ANKS6: variants seen among roughly 807,000 people sequenced by gnomAD.
The protein encoded by ANKS6 is ankyrin repeat and SAM domain-containing protein 6.
A neutral mutation model predicts 77.9 loss-of-function variants in ANKS6; 47 were observed. The ratio of observed to expected loss-of-function variants is 0.60; its 90% CI spans 0.48 to 0.77. The LOEUF (loss-of-function observed/expected upper bound fraction) is 0.77. Among genes scored for constraint, ANKS6 ranks in the 30% least tolerant of loss-of-function variants. The pLI is 0.00. For synonymous variants in ANKS6, 488 were observed against 501.7 expected, an observed-to-expected ratio of 0.97 and a Z score of 0.37; for missense variants, 1,150 against 1,159.1, an observed-to-expected ratio of 0.99 and a Z score of 0.11.
chr9:98,732,835 A>C lies in ANKS6; in HGVS notation c.*3684T>G. On this transcript the variant is annotated 3_prime_UTR_variant, in exon 15 of 15. Transcript: ENST00000353234. Reference sequence around the variant, plus strand: ...CTTCTACTCATTTTAAAGGACTAAAAACAGAAAAACAGGCACCCAACTGAC... The same window carrying C: ...CTTCTACTCATTTTAAAGGACTAAACACAGAAAAACAGGCACCCAACTGAC... The C allele has an allele frequency of 8.1e-7, 1 of 1,228,150 alleles. No homozygotes were observed. The highest frequency in any genetic ancestry group is 1.0e-6 in the Non-Finnish European group (1 of 980,340). 76.1% of individuals were successfully genotyped at this position (1,228,150 alleles called of 1,614,324 possible).
Position 98,790,597 on chromosome 9 carries a change from A to T in ANKS6, c.369T>A (p.His123Gln), listed in dbSNP as rs1204245802. Residue 123 changes from histidine (H) to glutamine (Q), a missense_variant, in exon 2 of 15, where the codon CAT becomes CAA. Transcript: ENST00000353234. ...CCAACAGGAGGTGTGCCACACTCAC[A>T]TGCCCAAATCTGCCAGGAAGATGGA... Reference protein sequence around the residue: ...SALMQAARFGHVSVAHLLLDH... With the variant: ...SALMQAARFGQVSVAHLLLDH... 1 of 1,597,950 alleles carries T rather than the reference A, an allele frequency of 6.3e-7. No homozygotes were observed. Among genetic ancestry groups the T allele is most frequent in the South Asian group, 1.1e-5 (1 of 90,736 alleles).
chr9:98,795,087 C>T (rs1835102790), intron 1 of ANKS6, among the ~76,000 whole-genome samples: 1 of 152,112 alleles, frequency 6.6e-6, no homozygotes, highest in African/African-American at 2.4e-5. Flanking sequence ...TCTCTAGATG[C>T]CATCCTTGCT....
At chr9:98,793,341 C>T (rs543260947) in intron 1 of ANKS6, among the ~76,000 whole-genome samples, 28 of 152,358 alleles carry the variant, frequency 1.8e-4, no homozygotes, top group Middle Eastern at 6.8e-3. Flanking sequence ...CACTTGGTAG[C>T]TATGTTACTT....
Position 98,773,909 on chromosome 9 carries a change from C to T in ANKS6, c.1789G>A (p.Gly597Ser). 1.3e-6 allele frequency: 2 copies of T among 1,585,518 alleles called. No individual in the cohort carries two copies. Among genetic ancestry groups the T allele is most frequent in the Non-Finnish European group, 1.7e-6 (2 of 1,169,772 alleles). The change falls in exon 9 of 15, where the codon GGC (glycine) becomes AGC (serine). Residue 597 changes from glycine to serine, a missense_variant. By Grantham distance (56) the Gly-to-Ser change is moderately conservative (BLOSUM62 0). Coordinates refer to ENST00000353234, the MANE Select transcript of ANKS6 (RefSeq NM_173551.5). ...GTGCCCCCGCCGCCCACGGGGTGGCCCCTGCTGGCTCTCTGGGGCAGCGCA... is the reference window on the plus strand; with the variant it reads ...GTGCCCCCGCCGCCCACGGGGTGGCTCCTGCTGGCTCTCTGGGGCAGCGCA... ...KTALPQRASR[G>S]HPVGGGGTDT... is the part of the protein sequence containing the mutation.
Position 98,769,139 on chromosome 9 carries a change from A to G in ANKS6, c.1973-889T>C, listed in dbSNP as rs539331238. Among the ~76,000 whole-genome samples, 3 of 151,800 alleles carry G rather than the reference A, an allele frequency of 2.0e-5. No homozygotes were observed. In the South Asian group the frequency reaches 6.3e-4, roughly 32 times the overall value. ...ACTCTGTCTCAAAGAAAAAAAAAAAAAAAGAAAGAAAGAAAGAAAAGAAAA... is the reference window on the plus strand; with the variant it reads ...ACTCTGTCTCAAAGAAAAAAAAAAAGAAAGAAAGAAAGAAAGAAAAGAAAA... On this transcript the variant is annotated intron_variant, in intron 10 of 14. Transcript: ENST00000353234.
At chr9:98,792,190 C>T (rs1834936706) in intron 1 of ANKS6, among the ~76,000 whole-genome samples, 1 of 152,092 alleles carries the variant, frequency 6.6e-6, no homozygotes, top group African/African-American at 2.4e-5. Context: ...CACCAGAGGA[C>T]TCTCCTGTCC....
At chr9:98,786,438 C>T (rs1436583968) in intron 2 of ANKS6, among the ~76,000 whole-genome samples, 3 of 151,954 alleles carry the variant, frequency 2.0e-5, no homozygotes, top group Admixed American at 2.0e-4. Flanking sequence ...ATTACAGGCA[C>T]CCACCACCGC....
intron 9 of ANKS6, 102 bp downstream of exon 9, chr9:98,773,775 A>T (rs1456193480): frequency 3.5e-6 from 4 of 1,136,080 alleles, no homozygotes; most frequent in Non-Finnish European, 4.7e-6. Flanking sequence ...AAAAAGTTGC[A>T]ACCCCTCTGG....
chr9:98,733,492 AG>A lies in ANKS6; in HGVS notation c.*3026del. 1 of 985,524 alleles carries A rather than the reference AG, an allele frequency of 1.0e-6. No individual in the cohort carries two copies. Among genetic ancestry groups the A allele is most frequent in the Non-Finnish European group, 1.2e-6 (1 of 829,992 alleles). The allele number at this position is 985,524 out of a possible 1,614,324, so 61.0% of individuals were successfully genotyped here. On this transcript the variant is annotated 3_prime_UTR_variant, in exon 15 of 15. Coordinates refer to ENST00000353234, the MANE Select transcript of ANKS6 (RefSeq NM_173551.5). ...GTCCCCTGATGTCCCACTGCCAAGC[AG>A]GCCACCTCTGCAGAGCTGCTGGGGA...
chr9:98,778,432 AG>A lies in ANKS6; in HGVS notation c.1369-9del. ...CATTCGGTTCCACCAGGACTGCCAA[AG>A]GAACGCAGAGCAGAAGTCATGCTCC... On this transcript the variant is annotated splice_polypyrimidine_tract_variant and intron_variant, in intron 6 of 14. Coordinates refer to ENST00000353234, the MANE Select transcript of ANKS6 (RefSeq NM_173551.5). 1.2e-6 allele frequency: 2 copies of A among 1,613,388 alleles called. No homozygotes were observed. The highest frequency in any genetic ancestry group is 1.7e-6 in the Non-Finnish European group (2 of 1,179,772).
chr9:98,732,986 G>C lies in ANKS6; in HGVS notation c.*3533C>G. 1.0e-6 allele frequency: 1 copy of C among 1,004,700 alleles called. No individual in the cohort carries two copies. The allele number at this position is 1,004,700 out of a possible 1,614,324, so 62.2% of individuals were successfully genotyped here. On this transcript the variant is annotated 3_prime_UTR_variant, in exon 15 of 15. Transcript: ENST00000353234. ...AGGCCCCACTCCATCTCTCTCCTCT[G>C]GGGCGTGCCCAGGCTGAGCCTGAGC...
intron 11 of ANKS6, among the ~76,000 whole-genome samples, chr9:98,767,292 T>C (rs1454712105): frequency 6.6e-6 from 1 of 152,192 alleles, no homozygotes; most frequent in Non-Finnish European, 1.5e-5. Flanking sequence ...CTGTCACCTC[T>C]GGAGTGCTAC....
rs1554751920 is a variant in ANKS6, at chr9:98,794,148, C to CAACAAAA, written c.359+1984_359+1985insTTTTGTT. On this transcript the variant is annotated intron_variant, in intron 1 of 14. Transcript: ENST00000353234. ...CTGGTGACAGAGCGAGACTCCGTCT[C>CAACAAAA]AAAAAAAAAAAAAAAAAGAACAGGA... Among the ~76,000 whole-genome samples the CAACAAAA allele has an allele frequency of 2.8e-3, 309 of 109,964 alleles. 3 individuals carry two copies. Among genetic ancestry groups the CAACAAAA allele is most frequent in the Non-Finnish European group, 3.7e-3 (210 of 56,728 alleles). 72.1% of individuals were successfully genotyped at this position (109,964 alleles called of 152,430 possible).
intron 2 of ANKS6, 149 bp downstream of exon 2, chr9:98,789,955 T>C (rs577219456): frequency 7.3e-5 from 88 of 1,203,828 alleles, no homozygotes; most frequent in Non-Finnish European, 9.8e-5. Context: ...ATCCCCCCGA[T>C]ACTTAAGCAC....
rs148832501 is a variant in ANKS6 at position 98,733,251 on chromosome 9, T to G, written c.*3268A>C. On this transcript the variant is annotated 3_prime_UTR_variant, in exon 15 of 15. Transcript: ENST00000353234. ...TCCTCACAAAACCAGCTGGCCTCCA[T>G]GTAATTTTGTGGCGCTGAAGAAGAG... The G allele has an allele frequency of 1.0e-6, 1 of 985,516 alleles. No individual in the cohort carries two copies. The highest frequency in any genetic ancestry group is 1.7e-5 in the African/African-American group (1 of 57,354). 61.0% of individuals were successfully genotyped at this position (985,516 alleles called of 1,614,324 possible).
chr9:98,784,970 G>T, intron 2 of ANKS6, 94 bp from the exon 3 acceptor site: 2 of 1,144,088 alleles, frequency 1.7e-6, no homozygotes, highest in African/African-American at 1.6e-5. Context: ...GCTTTAAAAA[G>T]CATCTAATTC....
chr9:98,787,650 A>T (rs928978419), intron 2 of ANKS6, among the ~76,000 whole-genome samples: 7 of 152,218 alleles, frequency 4.6e-5, no homozygotes, highest in Non-Finnish European at 1.0e-4. Flanking sequence ...GTGCCAGGGC[A>T]CTGCGATGAA....
intron 12 of ANKS6, among the ~76,000 whole-genome samples, chr9:98,753,198 A>C (rs1302696818): frequency 6.6e-6 from 1 of 152,158 alleles, no homozygotes; most frequent in Non-Finnish European, 1.5e-5. Flanking sequence ...GATTCTCACC[A>C]AATGCTTTCA....
chr9:98,765,959 T>C (rs769921630), intron 11 of ANKS6, among the ~76,000 whole-genome samples: 3 of 152,232 alleles, frequency 2.0e-5, no homozygotes, highest in Non-Finnish European at 4.4e-5. Context: ...AGCCCACTTC[T>C]GTGTCCTTTG....
Sources: allele counts gnomAD v4.1 joint callset (sites outside exome capture counted in the v4.1 genomes callset), GRCh38; gene constraint gnomAD v4.1.1; transcripts MANE v1.5; gene names NCBI Gene and HGNC (gene_info 2026-07-23, HGNC 2026-07-21).